Variants in NOS1AP observed in about 807,000 individuals in gnomAD.
NOS1AP encodes the protein carboxyl-terminal PDZ ligand of neuronal nitric oxide synthase protein.
In NOS1AP, 21 loss-of-function variants were observed where a neutral mutation model predicts 56.2. The observed-to-expected ratio is 0.37, with a 90% confidence interval of 0.26 to 0.54. The LOEUF (loss-of-function observed/expected upper bound fraction) is 0.54. Ranked by LOEUF, NOS1AP falls within the 20% of genes least tolerant of loss-of-function variation. NOS1AP has a pLI of 0.84. For synonymous variants in NOS1AP, 270 were observed against 274.6 expected (o/e 0.98, Z 0.17); for missense variants, 522 against 657.8 (o/e 0.79, Z 2.26).
At chr1:162,206,120 A>C (rs1241080601) in intron 2 of NOS1AP, among the ~76,000 whole-genome samples, 1 of 152,198 alleles carries the variant, frequency 6.6e-6, no homozygotes, top group Non-Finnish European at 1.5e-5. Context: ...AACTCAAAAG[A>C]ACAGGGAAAA....
At chr1:162,250,279 T>C (rs767193076) in intron 2 of NOS1AP, among the ~76,000 whole-genome samples, 2 of 152,174 alleles carry the variant, frequency 1.3e-5, no homozygotes, top group Non-Finnish European at 2.9e-5. Context: ...TTAGCCTTCC[T>C]AGGGATGTTG....
At chr1:162,255,218 G>C (rs938239573) in intron 2 of NOS1AP, among the ~76,000 whole-genome samples, 5 of 152,104 alleles carry the variant, frequency 3.3e-5, no homozygotes, top group African/African-American at 1.2e-4. Flanking sequence ...TTTTGAGGTG[G>C]CTCCTAGAGT....
intron 3 of NOS1AP, among the ~76,000 whole-genome samples, chr1:162,297,415 T>C (rs1045467156): frequency 1.1e-4 from 17 of 152,210 alleles, no homozygotes; most frequent in African/African-American, 3.9e-4. Flanking sequence ...AGGTGGGCCC[T>C]GGCCTGAGAC....
chr1:162,238,731 C>T (rs999611996), intron 2 of NOS1AP, among the ~76,000 whole-genome samples: 3 of 151,792 alleles, frequency 2.0e-5, no homozygotes, highest in South Asian at 2.1e-4. Flanking sequence ...ATAGTTGCTG[C>T]GTATATAAAA....
At chr1:162,213,110 C>T (rs1480557708) in intron 2 of NOS1AP, among the ~76,000 whole-genome samples, 4 of 152,118 alleles carry the variant, frequency 2.6e-5, no homozygotes, top group African/African-American at 9.7e-5. Flanking sequence ...CACCTCCCCA[C>T]CCTCAAGGAA....
intron 2 of NOS1AP, among the ~76,000 whole-genome samples, chr1:162,189,270 C>A (rs1241780999): frequency 6.6e-6 from 1 of 152,050 alleles, no homozygotes; most frequent in Admixed American, 6.5e-5. Flanking sequence ...TTATAAAAAA[C>A]CAAAATGTGT....
At chr1:162,289,679 G>T (rs975379256) in intron 3 of NOS1AP, among the ~76,000 whole-genome samples, 7 of 151,756 alleles carry the variant, frequency 4.6e-5, no homozygotes, top group Non-Finnish European at 1.0e-4. Flanking sequence ...TTTCGCCATG[G>T]TGGCCAGGTG....
intron 2 of NOS1AP, among the ~76,000 whole-genome samples, chr1:162,175,342 A>G (rs796668891): frequency 4.3e-4 from 66 of 152,344 alleles, no homozygotes; most frequent in African/African-American, 1.6e-3. Context: ...TATTTTTATC[A>G]GTAAAGAATC....
At chr1:162,289,120 T>A (rs527688762) in intron 3 of NOS1AP, among the ~76,000 whole-genome samples, 25 of 152,352 alleles carry the variant, frequency 1.6e-4, no homozygotes, top group Middle Eastern at 3.4e-3. Context: ...AATCTGTGGC[T>A]GACACTCCCA....
intron 1 of NOS1AP, among the ~76,000 whole-genome samples, chr1:162,130,637 T>G (rs1648709697): frequency 6.6e-6 from 1 of 152,144 alleles, no homozygotes; most frequent in Admixed American, 6.5e-5. Flanking sequence ...AGGAAAAGGC[T>G]TTTCTAGAGG....
chr1:162,165,103 C>T (rs1650425172), intron 2 of NOS1AP, among the ~76,000 whole-genome samples: 1 of 152,216 alleles, frequency 6.6e-6, no homozygotes, highest in Admixed American at 6.5e-5. Context: ...GAACAGATCA[C>T]CTGAGGTTGG....
At position 162,313,772 on chromosome 1, in the gene NOS1AP, T is replaced by C. The variant is rs150874164; in HGVS notation, c.344+13066T>C. Among the ~76,000 whole-genome samples the C allele has an allele frequency of 7.2e-5, 11 of 152,288 alleles. No individual in the cohort carries two copies. In the East Asian group the frequency reaches 1.4e-3, roughly 19 times the overall value. On this transcript the variant is annotated intron_variant, in intron 4 of 9. Coordinates refer to ENST00000361897, the MANE Select transcript of NOS1AP (RefSeq NM_014697.3). ...CATTCAGACTAGTGGTGTCTGAATA[T>C]AGAGTAAATGAGGGAGGGAAAGGAG...
chr1:162,172,716 GT>G (rs974978889), intron 2 of NOS1AP, among the ~76,000 whole-genome samples: 4 of 152,068 alleles, frequency 2.6e-5, no homozygotes, highest in African/African-American at 7.2e-5. Flanking sequence ...GTTGTTGTTT[GT>G]TTTTGTTTGT....
At chr1:162,115,804 G>C (rs1399235904) in intron 1 of NOS1AP, among the ~76,000 whole-genome samples, 1 of 152,140 alleles carries the variant, frequency 6.6e-6, no homozygotes, top group Non-Finnish European at 1.5e-5. Flanking sequence ...GTTTTATCCC[G>C]GGTGAGGTCA....
intron 2 of NOS1AP, among the ~76,000 whole-genome samples, chr1:162,228,125 A>G (rs1301183621): frequency 1.3e-5 from 2 of 152,252 alleles, no homozygotes; most frequent in Admixed American, 6.5e-5. Flanking sequence ...ATTGAAGAGC[A>G]GAAGTGAGGA....
chr1:162,191,135 CGT>C (rs1338113366), intron 2 of NOS1AP, among the ~76,000 whole-genome samples: 2 of 152,162 alleles, frequency 1.3e-5, no homozygotes, highest in Non-Finnish European at 2.9e-5. Context: ...TAGACTTGCC[CGT>C]CCATATCAGC....
At chr1:162,304,398 T>G (rs1446701503) in intron 4 of NOS1AP, among the ~76,000 whole-genome samples, 1 of 152,250 alleles carries the variant, frequency 6.6e-6, no homozygotes, top group East Asian at 1.9e-4. Context: ...CCACACTGTC[T>G]TGATTACCAT....
intron 2 of NOS1AP, among the ~76,000 whole-genome samples, chr1:162,161,960 C>T (rs1014469360): frequency 2.6e-5 from 4 of 152,226 alleles, no homozygotes; most frequent in African/African-American, 4.8e-5. Flanking sequence ...CCAGTCAGTA[C>T]ATCAGTGTTT....
At chr1:162,240,361 C>G (rs886747807) in intron 2 of NOS1AP, among the ~76,000 whole-genome samples, 7 of 152,056 alleles carry the variant, frequency 4.6e-5, no homozygotes, top group Admixed American at 3.3e-4. Context: ...TCAGAACAGC[C>G]TCTTCATTCA....
Sources: gnomAD v4.1 joint callset for allele counts (sites outside exome capture counted in the v4.1 genomes callset) on GRCh38, gnomAD v4.1.1 for gene constraint, MANE v1.5 for transcripts, NCBI Gene and HGNC (gene_info 2026-07-23, HGNC 2026-07-21) for gene names.